NUDT9: variants seen among roughly 807,000 people sequenced by gnomAD.
NUDT9 encodes the protein nudix hydrolase 9.
Under a neutral mutation model 41.0 loss-of-function variants are expected in NUDT9, and 31 were observed. That is an observed-to-expected ratio of 0.76 (90% confidence interval 0.57 to 1.02). The LOEUF (loss-of-function observed/expected upper bound fraction) is 1.02. Ranked by LOEUF, NUDT9 falls within the 50% of genes least tolerant of loss-of-function variation. NUDT9 has a pLI of 0.00. For synonymous variants in NUDT9, 146 were observed against 147.6 expected (o/e 0.99, Z 0.08); for missense variants, 380 against 431.4 (o/e 0.88, Z 1.06).
intron 5 of NUDT9, 115 bp from the exon 6 acceptor site, chr4:87,451,474 G>C (rs1722704981): frequency 2.6e-6 from 2 of 759,774 alleles, no homozygotes; most frequent in Non-Finnish European, 4.1e-6. Flanking sequence ...CAGAGAAATG[G>C]GGATCACTAT....
Position 87,449,663 on chromosome 4 carries a change from C to A in NUDT9, c.642+410C>A, listed in dbSNP as rs564456662. ...TCAGAATTTAACCTCCACTCCAAGCCCAAGGTAGTATTTTTAAGCACTTTT... is the reference window on the plus strand; with the variant it reads ...TCAGAATTTAACCTCCACTCCAAGCACAAGGTAGTATTTTTAAGCACTTTT... On this transcript the variant is annotated intron_variant, in intron 5 of 7. Coordinates refer to ENST00000302174, the MANE Select transcript of NUDT9 (RefSeq NM_024047.5). Among the ~76,000 whole-genome samples, 61 of 152,062 alleles carry A rather than the reference C, an allele frequency of 4.0e-4. 1 individual carries two copies. The South Asian group carries it at 1.0e-2, about 25-fold the overall frequency.
In NUDT9 at chr4:87,422,895, T is replaced by G. The variant is rs1450695070; in HGVS notation, c.-11T>G. The G allele has an allele frequency of 1.2e-6, 2 of 1,607,034 alleles. No homozygotes were observed. The highest frequency in any genetic ancestry group is 1.7e-6 in the Non-Finnish European group (2 of 1,178,878). On this transcript the variant is annotated 5_prime_UTR_variant, in exon 1 of 8. Transcript: ENST00000302174. ...GCGACCTAGCATCGCAAAGCCGCCCTCGGGGCGCTCATGGCGGGACGCCTC... is the reference window on the plus strand; with the variant it reads ...GCGACCTAGCATCGCAAAGCCGCCCGCGGGGCGCTCATGGCGGGACGCCTC...
chr4:87,454,792 G>T (rs942319293), intron 7 of NUDT9, among the ~76,000 whole-genome samples: 2 of 152,036 alleles, frequency 1.3e-5, no homozygotes, highest in Non-Finnish European at 2.9e-5. Context: ...CTGGGATTTG[G>T]GTAGGAAGTA....
chr4:87,444,358 C>T (rs1447475981), intron 4 of NUDT9, among the ~76,000 whole-genome samples: 1 of 152,004 alleles, frequency 6.6e-6, no homozygotes, highest in East Asian at 1.9e-4. Flanking sequence ...TATTTTCTTA[C>T]TTGCCCTCTT....
chr4:87,435,718 G>A (rs528083878), intron 2 of NUDT9, among the ~76,000 whole-genome samples: 2 of 152,282 alleles, frequency 1.3e-5, no homozygotes, highest in South Asian at 4.1e-4. Context: ...GGGAGAATGA[G>A]AGAGAAGGGG....
Position 87,435,024 on chromosome 4 carries a change from A to C in NUDT9, c.151A>C (p.Met51Leu). The change falls in exon 2 of 8, where the codon ATG (methionine) becomes CTG (leucine). Residue 51 changes from methionine (M) to leucine (L), a missense_variant. Transcript: ENST00000302174. Reference sequence around the variant, plus strand: ...TTGGTTTCATCTTAATACCAACGTCATGTCTGGTTCTAATGGTTCCAAAGA... The same window carrying C: ...TTGGTTTCATCTTAATACCAACGTCCTGTCTGGTTCTAATGGTTCCAAAGA... The part of the protein sequence containing the change: ...SSWFHLNTNV[M>L]SGSNGSKENS... 6.2e-7 allele frequency: 1 copy of C among 1,613,892 alleles called. No homozygotes were observed. The highest frequency in any genetic ancestry group is 1.1e-5 in the South Asian group (1 of 91,080).
At chr4:87,441,535 G>T (rs993975059) in intron 3 of NUDT9, among the ~76,000 whole-genome samples, 4 of 152,220 alleles carry the variant, frequency 2.6e-5, no homozygotes, top group African/African-American at 7.2e-5. Flanking sequence ...GAACGTTCCA[G>T]TTTGAATTTA....
intron 4 of NUDT9, among the ~76,000 whole-genome samples, chr4:87,448,294 A>G (rs1256776592): frequency 6.6e-6 from 1 of 151,478 alleles, no homozygotes; most frequent in Non-Finnish European, 1.5e-5. Flanking sequence ...ACAGGCACCC[A>G]TCATCATGCC....
chr4:87,422,705 A>C lies in NUDT9; in HGVS notation c.-201A>C. ...GGATTTTTCTCGATGCACTGGGGAA[A>C]GCGGTGGACTCTTATCGTGGGAGGG... On this transcript the variant is annotated 5_prime_UTR_variant, in exon 1 of 8. Coordinates refer to ENST00000302174, the MANE Select transcript of NUDT9 (RefSeq NM_024047.5). 2.3e-6 allele frequency: 1 copy of C among 442,338 alleles called. No homozygotes were observed. The highest frequency in any genetic ancestry group is 4.0e-6 in the Non-Finnish European group (1 of 250,098). 27.4% of individuals were successfully genotyped at this position (442,338 alleles called of 1,614,324 possible). A position where few individuals can be genotyped will look rare whatever the true frequency, so the allele number is the denominator to read the frequency against.
chr4:87,440,617 G>T (rs932971066), intron 3 of NUDT9, among the ~76,000 whole-genome samples: 2 of 152,194 alleles, frequency 1.3e-5, no homozygotes, highest in Non-Finnish European at 2.9e-5. Context: ...GGAGGCTGAG[G>T]CGGGTGGATC....
chr4:87,452,342 G>T (rs1560799614), intron 6 of NUDT9, among the ~76,000 whole-genome samples: 1 of 152,108 alleles, frequency 6.6e-6, no homozygotes, highest in Non-Finnish European at 1.5e-5. Context: ...CCATCCAACA[G>T]AAAGCTTTTT....
chr4:87,430,408 A>T (rs912179232), intron 1 of NUDT9, among the ~76,000 whole-genome samples: 4 of 152,230 alleles, frequency 2.6e-5, no homozygotes, highest in South Asian at 2.1e-4. Flanking sequence ...TTCAGTAGAA[A>T]ACTAATACAT....
chr4:87,447,315 A>T (rs1176286494), intron 4 of NUDT9, among the ~76,000 whole-genome samples: 1 of 152,214 alleles, frequency 6.6e-6, no homozygotes, highest in East Asian at 1.9e-4. Context: ...AGCCACTGCT[A>T]GACTATGAGC....
intron 4 of NUDT9, among the ~76,000 whole-genome samples, chr4:87,442,730 T>C (rs917853336): frequency 1.3e-5 from 2 of 152,228 alleles, no homozygotes; most frequent in African/African-American, 2.4e-5. Context: ...TGTTAAAAAC[T>C]AAGACACAAA....
chr4:87,442,648 T>C (rs546959006), intron 4 of NUDT9, among the ~76,000 whole-genome samples: 11 of 152,382 alleles, frequency 7.2e-5, no homozygotes, highest in African/African-American at 2.6e-4. Flanking sequence ...TAGTTTCTTT[T>C]GTTACCTCCT....
chr4:87,441,835 T>C lies in NUDT9; in HGVS notation c.450T>C (p.Pro150=). Residue 150 remains proline, a synonymous_variant, in exon 4 of 8, where the codon CCT becomes CCC. Coordinates refer to ENST00000302174, the MANE Select transcript of NUDT9 (RefSeq NM_024047.5). ...YEIENGRPRN[P]AGRTGLVGRG... Reference sequence around the variant, plus strand: ...GCTTTTTTTGTTTTTCCAGAAATCCTGCAGGACGGACTGGACTGGTGGGCC... The same window carrying C: ...GCTTTTTTTGTTTTTCCAGAAATCCCGCAGGACGGACTGGACTGGTGGGCC... 6.2e-7 allele frequency: 1 copy of C among 1,613,380 alleles called. No homozygotes were observed. Among genetic ancestry groups the C allele is most frequent in the East Asian group, 2.2e-5 (1 of 44,864 alleles).
At position 87,435,008 on chromosome 4, in the gene NUDT9, T is replaced by C; in HGVS notation, c.135T>C (p.His45=). 1 of 1,613,616 alleles carries C rather than the reference T, an allele frequency of 6.2e-7. No homozygotes were observed. Among genetic ancestry groups the C allele is most frequent in the South Asian group, 1.1e-5 (1 of 91,020 alleles). ...FRNSFSSSWF[H]LNTNVMSGSN... Reference sequence around the variant, plus strand: ...ACTCGTTTTCATCTTCTTGGTTTCATCTTAATACCAACGTCATGTCTGGTT... The same window carrying C: ...ACTCGTTTTCATCTTCTTGGTTTCACCTTAATACCAACGTCATGTCTGGTT... Residue 45 remains histidine (H), a synonymous_variant, in exon 2 of 8, where the codon CAT becomes CAC. Transcript: ENST00000302174.
rs202061302 is a variant in NUDT9 at position 87,423,011 on chromosome 4, A to T, written c.106A>T (p.Arg36Ter). 4.3e-6 allele frequency: 7 copies of T among 1,611,796 alleles called. No homozygotes were observed. The highest frequency in any genetic ancestry group is 1.3e-5 in the African/African-American group (1 of 74,854). ...SSRCRGIQAF[R>*]NSFSSSWFHL... ...GCGCTGCCGCGGCATCCAGGCGTTC[A>T]GGTATTCCACCCTCCTACTACCGGC... is the stretch of plus-strand genomic sequence containing the variant. The change falls in exon 1 of 8, where the codon AGA becomes TGA. Residue 36 changes from arginine (R) to a stop codon, truncating the protein, a stop_gained and splice_region_variant. Coordinates refer to ENST00000302174, the MANE Select transcript of NUDT9 (RefSeq NM_024047.5). LOFTEE classifies it high-confidence loss of function.
chr4:87,445,981 C>G (rs925828853), intron 4 of NUDT9, among the ~76,000 whole-genome samples: 6 of 147,336 alleles, frequency 4.1e-5, no homozygotes, highest in Non-Finnish European at 5.9e-5. Flanking sequence ...CCTGGCTGGT[C>G]TTGAACTCCT....
Sources: gnomAD v4.1 joint callset for allele counts (sites outside exome capture counted in the v4.1 genomes callset) on GRCh38, gnomAD v4.1.1 for gene constraint, MANE v1.5 for transcripts, NCBI Gene and HGNC (gene_info 2026-07-23, HGNC 2026-07-21) for gene names.